NIBAN2: variants seen among roughly 807,000 people sequenced by gnomAD.
NIBAN2 encodes niban apoptosis regulator 2, also known as protein Niban 2.
NIBAN2 carries 36 observed loss-of-function variants against 81.8 expected under a neutral mutation model. That is an observed-to-expected ratio of 0.44 (90% confidence interval 0.34 to 0.58). The LOEUF (loss-of-function observed/expected upper bound fraction) is 0.58, where lower values mean the gene tolerates loss of function less well. Ranked by LOEUF, NIBAN2 falls within the 20% of genes least tolerant of loss-of-function variation. The pLI is 0.02. For synonymous variants in NIBAN2, 445 were observed against 441.6 expected, an observed-to-expected ratio of 1.01 and a Z score of -0.10; for missense variants, 897 against 1,014.1, an observed-to-expected ratio of 0.88 and a Z score of 1.57.
At chr9:127,534,030 G>A (rs1256069763) in intron 1 of NIBAN2, among the ~76,000 whole-genome samples, 1 of 152,210 alleles carries the variant, frequency 6.6e-6, no homozygotes, top group Admixed American at 6.5e-5. Flanking sequence ...AGATGAAGGA[G>A]GAGGCCCAGA....
intron 1 of NIBAN2, among the ~76,000 whole-genome samples, chr9:127,547,927 C>T (rs1038813808): frequency 2.0e-5 from 3 of 152,194 alleles, no homozygotes; most frequent in Admixed American, 6.5e-5. Flanking sequence ...ATGAATAAAC[C>T]CACAGAGCCT....
chr9:127,516,727 G>A, intron 8 of NIBAN2, 130 bp downstream of exon 8: 1 of 981,398 alleles, frequency 1.0e-6, no homozygotes, highest in Non-Finnish European at 1.5e-6. Context: ...CCACAGTGCA[G>A]ATTTGGCTCT....
At chr9:127,561,450 G>C (rs1158998273) in intron 1 of NIBAN2, among the ~76,000 whole-genome samples, 3 of 152,184 alleles carry the variant, frequency 2.0e-5, no homozygotes, top group Non-Finnish European at 2.9e-5. Flanking sequence ...GTTCTGCGCT[G>C]ACCAGGGGAC....
At chr9:127,578,407 A>T (rs2132251350) in intron 1 of NIBAN2, among the ~76,000 whole-genome samples, 1 of 149,506 alleles carries the variant, frequency 6.7e-6, no homozygotes, top group South Asian at 2.1e-4. Context: ...TACACCTGTA[A>T]TCCCAGCACT....
At chr9:127,521,898 C>A (rs998680893) in intron 5 of NIBAN2, among the ~76,000 whole-genome samples, 2 of 152,230 alleles carry the variant, frequency 1.3e-5, no homozygotes, top group Admixed American at 1.3e-4. Context: ...TCTTCCCAAT[C>A]ATCTCTCAAG....
chr9:127,523,860 G>A lies in NIBAN2; in HGVS notation c.422-14C>T. 2 of 1,601,872 alleles carry A rather than the reference G, an allele frequency of 1.2e-6. No individual in the cohort carries two copies. Among genetic ancestry groups the A allele is most frequent in the Admixed American group, 3.3e-5 (2 of 59,850 alleles). ...TTGCCGTGGTCCCTGTGGAGACAGT[G>A]CCTGATGAGCAGCTGCCCTCTGTGG... On this transcript the variant is annotated splice_polypyrimidine_tract_variant and intron_variant, in intron 4 of 13. Coordinates refer to ENST00000373312, the MANE Select transcript of NIBAN2 (RefSeq NM_022833.4).
intron 5 of NIBAN2, among the ~76,000 whole-genome samples, chr9:127,523,169 T>TTAAAAAA (rs1836977207): frequency 1.8e-4 from 2 of 11,334 alleles, no homozygotes; most frequent in Non-Finnish European, 3.1e-4. Context: ...TTGGTGGTTT[T>TTAAAAAA]AAAAAAAAAA....
intron 1 of NIBAN2, among the ~76,000 whole-genome samples, chr9:127,557,541 C>T (rs772253175): frequency 6.6e-5 from 10 of 152,198 alleles, no homozygotes; most frequent in Non-Finnish European, 1.5e-4. Context: ...CCGGGGGCCT[C>T]CAGGCAGGGC....
intron 1 of NIBAN2, among the ~76,000 whole-genome samples, chr9:127,546,002 G>C: frequency 6.6e-6 from 1 of 152,122 alleles, no homozygotes; most frequent in East Asian, 1.9e-4. Flanking sequence ...GCAGCCCAGG[G>C]GGTGCCGAGG....
rs1837804174 is a variant in NIBAN2 at position 127,563,288 on chromosome 9, A to G, written c.55+5532T>C. Reference sequence around the variant, plus strand: ...CAAAGCCAACAAAAGCATGTTATATAAGACCCAACAGAGAGACAGCATCAT... The same window carrying G: ...CAAAGCCAACAAAAGCATGTTATATGAGACCCAACAGAGAGACAGCATCAT... On this transcript the variant is annotated intron_variant, in intron 1 of 13. Coordinates refer to ENST00000373312, the MANE Select transcript of NIBAN2 (RefSeq NM_022833.4). The surrounding 1 kb of genome is among the most constrained non-coding windows in gnomAD (Gnocchi z 4.1). Among the ~76,000 whole-genome samples, 1 of 152,214 alleles carries G rather than the reference A, an allele frequency of 6.6e-6. No homozygotes were observed. The highest frequency in any genetic ancestry group is 6.5e-5 in the Admixed American group (1 of 15,292).
upstream of NIBAN2, chr9:127,569,210 C>G: frequency 2.0e-6 from 1 of 492,706 alleles, no homozygotes; most frequent in Non-Finnish European, 2.6e-6. Context: ...CGCCCCGCCC[C>G]GCCCTCGGTC....
intron 1 of NIBAN2, among the ~76,000 whole-genome samples, chr9:127,552,476 T>C (rs1349675133): frequency 1.3e-5 from 2 of 151,180 alleles, no homozygotes; most frequent in South Asian, 2.1e-4. Flanking sequence ...ACTTGGGAGG[T>C]TGAGGTGGGA....
intron 5 of NIBAN2, among the ~76,000 whole-genome samples, chr9:127,518,612 T>C (rs1344859177): frequency 6.6e-6 from 1 of 152,232 alleles, no homozygotes; most frequent in African/African-American, 2.4e-5. Context: ...TCTGGGCCCA[T>C]AGGCCATAGG....
chr9:127,544,626 C>A (rs1421964978), intron 1 of NIBAN2, among the ~76,000 whole-genome samples: 1 of 152,184 alleles, frequency 6.6e-6, no homozygotes, highest in East Asian at 1.9e-4. Flanking sequence ...GCCTCAGCCT[C>A]CCAAGCAGCT....
intron 1 of NIBAN2, among the ~76,000 whole-genome samples, chr9:127,553,443 G>A (rs1294837679): frequency 1.3e-5 from 2 of 152,348 alleles, no homozygotes; most frequent in East Asian, 3.9e-4. Flanking sequence ...CCCCGAGGAC[G>A]GAAACTCTTC....
chr9:127,525,854 G>T lies in NIBAN2; in HGVS notation c.316-691C>A, dbSNP rs146230719. ...GGGTATTTGACCATTACCCTGAACT[G>T]CCCCCACCAATTTCCTAGGTTCTGA... On this transcript the variant is annotated intron_variant, in intron 3 of 13. Coordinates refer to ENST00000373312, the MANE Select transcript of NIBAN2 (RefSeq NM_022833.4). Among the ~76,000 whole-genome samples the T allele has an allele frequency of 4.5e-4, 69 of 152,238 alleles. No individual in the cohort carries two copies. The East Asian group carries it at 0.012, about 27-fold the overall frequency.
Position 127,536,833 on chromosome 9 carries a change from C to T in NIBAN2, c.56-5055G>A, listed in dbSNP as rs1006228133. On this transcript the variant is annotated intron_variant, in intron 1 of 13. Transcript: ENST00000373312. The surrounding 1 kb of genome is among the most constrained non-coding windows in gnomAD (Gnocchi z 4.0). ...GCCATTGTCTACAGGGCCCCACAGG[C>T]CCCCTACCTCCCCTTAGAGGGCAGA... Among the ~76,000 whole-genome samples the T allele has an allele frequency of 2.6e-5, 4 of 152,186 alleles. No homozygotes were observed. Among genetic ancestry groups the T allele is most frequent in the African/African-American group, 7.2e-5 (3 of 41,448 alleles).
At chr9:127,527,125 G>C (rs541389630) in intron 3 of NIBAN2, 69 bp downstream of exon 3, 1 of 1,587,370 alleles carries the variant, frequency 6.3e-7, no homozygotes, top group Non-Finnish European at 8.6e-7. Flanking sequence ...CTAAGTTTCC[G>C]AGTTGGGGGA....
intron 1 of NIBAN2, among the ~76,000 whole-genome samples, chr9:127,552,176 C>T (rs1445223934): frequency 6.6e-6 from 1 of 152,232 alleles, no homozygotes; most frequent in Non-Finnish European, 1.5e-5. Context: ...CCAGTCCCAG[C>T]ACACAGCCTG....
Sources: gnomAD v4.1 joint callset for allele counts (sites outside exome capture counted in the v4.1 genomes callset) on GRCh38, gnomAD v4.1.1 for gene constraint, Gnocchi (gnomAD v3.1) non-coding constraint, MANE v1.5 for transcripts, NCBI Gene and HGNC (gene_info 2026-07-23, HGNC 2026-07-21) for gene names.